ACADL: variants seen among roughly 807,000 people sequenced by gnomAD.
The protein encoded by ACADL is acyl-CoA dehydrogenase long chain.
ACADL carries 60 observed loss-of-function variants against 56.9 expected under a neutral mutation model. That is an observed-to-expected ratio of 1.05 (90% CI 0.86 to 1.31). ACADL has a LOEUF of 1.31. ACADL is among the 50% of genes most tolerant of loss of function. The pLI, the probability that ACADL is intolerant of heterozygous loss-of-function variation, is 0.00. For missense variants in ACADL, 484 were observed against 525.5 expected (o/e 0.92, Z 0.77); for synonymous variants, 158 against 179.7 (o/e 0.88, Z 0.97).
Position 210,225,273 on chromosome 2 carries a change from A to T in ACADL, c.-10T>A. 1 of 1,552,870 alleles carries T rather than the reference A, an allele frequency of 6.4e-7. No individual in the cohort carries two copies. Among genetic ancestry groups the T allele is most frequent in the East Asian group, 2.4e-5 (1 of 41,220 alleles). ...GAAGGCGTGCGGCCATGTCCGAAAC[A>T]CAGGGGCGGCGGGGCGACGGAGGCG... is the stretch of plus-strand genomic sequence containing the variant. On this transcript the variant is annotated 5_prime_UTR_variant, in exon 1 of 11. Transcript: ENST00000233710.
intron 9 of ACADL, 138 bp downstream of exon 9, chr2:210,195,073 T>C: frequency 1.8e-6 from 2 of 1,140,502 alleles, no homozygotes; most frequent in East Asian, 2.5e-5. Context: ...TTAGCATTTT[T>C]TTTTAAAGTG....
chr2:210,197,013 G>C (rs1688719971), intron 8 of ACADL, among the ~76,000 whole-genome samples: 1 of 152,142 alleles, frequency 6.6e-6, no homozygotes, highest in South Asian at 2.1e-4. Context: ...TGTCATTGTT[G>C]GTTGGGACAG....
chr2:210,210,987 A>G (rs1688969823), intron 4 of ACADL, among the ~76,000 whole-genome samples: 1 of 152,144 alleles, frequency 6.6e-6, no homozygotes, highest in African/African-American at 2.4e-5. Context: ...TTTTCTAACA[A>G]ACCTGCTCTA....
chr2:210,212,384 C>T (rs1330759062), intron 4 of ACADL, among the ~76,000 whole-genome samples: 2 of 152,056 alleles, frequency 1.3e-5, no homozygotes, highest in East Asian at 3.9e-4. Context: ...AATGTGACCA[C>T]AAAGGCAAAG....
At chr2:210,205,402 C>T (rs1054675160) in intron 6 of ACADL, among the ~76,000 whole-genome samples, 8 of 152,056 alleles carry the variant, frequency 5.3e-5, no homozygotes, top group Non-Finnish European at 1.2e-4. Context: ...GTTAATTTTG[C>T]CATTTCTAAA....
chr2:210,198,937 C>G (rs73065819), intron 8 of ACADL, among the ~76,000 whole-genome samples: 2,453 of 152,102 alleles, frequency 0.016, 69 homozygotes, highest in African/African-American at 0.056. Flanking sequence ...ATTGCTACAT[C>G]CATACGTAGG....
chr2:210,194,698 A>G lies in ACADL; in HGVS notation c.1112+513T>C, dbSNP rs189816771. Among the ~76,000 whole-genome samples, 21 of 152,316 alleles carry G rather than the reference A, an allele frequency of 1.4e-4. No homozygotes were observed. In the East Asian group the frequency reaches 3.1e-3, roughly 22 times the overall value. Reference sequence around the variant, plus strand: ...TTCTTAAAATTGGAAAGCACCTTAAATAGAAAAATCCTGTCCAACTTAGTC... The same window carrying G: ...TTCTTAAAATTGGAAAGCACCTTAAGTAGAAAAATCCTGTCCAACTTAGTC... On this transcript the variant is annotated intron_variant, in intron 9 of 10. Coordinates refer to ENST00000233710, the MANE Select transcript of ACADL (RefSeq NM_001608.4).
intron 6 of ACADL, 81 bp from the exon 7 acceptor site, chr2:210,204,763 T>C: frequency 1.7e-6 from 2 of 1,200,884 alleles, no homozygotes; most frequent in Non-Finnish European, 2.4e-6. Context: ...GTGAATATTA[T>C]TTTTTCCAAA....
At chr2:210,198,075 G>A (rs556901954) in intron 8 of ACADL, among the ~76,000 whole-genome samples, 1 of 152,202 alleles carries the variant, frequency 6.6e-6, no homozygotes, top group African/African-American at 2.4e-5. Context: ...AGTGCTCTTA[G>A]TGAATGATCG....
rs71528505 is a variant in ACADL, at chr2:210,218,076, C to A, written c.260G>T (p.Arg87Met). 1.2e-6 allele frequency: 2 copies of A among 1,613,838 alleles called. No individual in the cohort carries two copies. The highest frequency in any genetic ancestry group is 1.7e-6 in the Non-Finnish European group (2 of 1,179,934). ...SEWEKAGEVS[R>M]EVWEKAGKQG... is the part of the protein sequence containing the mutation. ...TTTTCCAGCTTTTTCCCAAACCTCC[C>A]TACTTACTTCTCCAGCTTTCTCCCA... The change falls in exon 3 of 11, where the codon AGG becomes ATG. Residue 87 changes from arginine (R) to methionine (M), a missense_variant. By Grantham distance (91) the Arg-to-Met change is moderately conservative. Transcript: ENST00000233710.
chr2:210,196,743 T>C (rs1039943067), intron 8 of ACADL, among the ~76,000 whole-genome samples: 9 of 152,198 alleles, frequency 5.9e-5, no homozygotes, highest in African/African-American at 2.2e-4. Context: ...AAAATTCAGA[T>C]AGAAACAGTT....
chr2:210,194,203 G>C (rs1256391442), intron 9 of ACADL, among the ~76,000 whole-genome samples: 1 of 151,992 alleles, frequency 6.6e-6, no homozygotes, highest in Admixed American at 6.6e-5. Flanking sequence ...ACTAGTCAAA[G>C]AACTTCTTGT....
In ACADL at chr2:210,188,750, A is replaced by T. The variant is rs1688585609; in HGVS notation, c.*211T>A. 4 of 487,750 alleles carry T rather than the reference A, an allele frequency of 8.2e-6. No homozygotes were observed. The South Asian group carries it at 1.0e-4, about 12-fold the overall frequency. The allele number at this position is 487,750 out of a possible 1,614,324, so 30.2% of individuals were successfully genotyped here. Reference sequence around the variant, plus strand: ...TACCTTTGGCTACATAAAAAACTGTAAGTTAAACCTTATATTGGAAAACTA... The same window carrying T: ...TACCTTTGGCTACATAAAAAACTGTTAGTTAAACCTTATATTGGAAAACTA... On this transcript the variant is annotated 3_prime_UTR_variant, in exon 11 of 11. Coordinates refer to ENST00000233710, the MANE Select transcript of ACADL (RefSeq NM_001608.4).
intron 5 of ACADL, among the ~76,000 whole-genome samples, chr2:210,207,709 C>G (rs964312005): frequency 5.9e-5 from 9 of 152,098 alleles, no homozygotes. Context: ...CTAAAATGCA[C>G]AGCACTGATA....
chr2:210,210,283 A>T, intron 4 of ACADL, 21 bp from the exon 5 acceptor site: 1 of 1,539,834 alleles, frequency 6.5e-7, no homozygotes, highest in Non-Finnish European at 9.0e-7. Flanking sequence ...AAGAAAAGAT[A>T]AAAAATTCAT....
rs776952103 is a variant in ACADL, at chr2:210,205,697, C to T, written c.703G>A (p.Val235Met). The change falls in exon 6 of 11, where the codon GTG (valine) becomes ATG (methionine). Residue 235 changes from valine to methionine, a missense_variant. By Grantham distance (21) the Val-to-Met change is conservative. Transcript: ENST00000233710. ...SPAHGISLFL[V>M]ENGMKGFIKG... ...ATAAATCCTTTCATTCCATTTTCCA[C>T]CAGAAAAAGGCTAATACCATGGGCA... is the stretch of plus-strand genomic sequence containing the variant. 50 of 1,613,780 alleles carry T rather than the reference C, an allele frequency of 3.1e-5. No homozygotes were observed. The South Asian group carries it at 5.1e-4, about 16-fold the overall frequency.
chr2:210,193,736 A>G lies in ACADL; in HGVS notation c.1113-846T>C, dbSNP rs11885370. 3.2e-3 allele frequency among the ~76,000 whole-genome samples: 490 copies of G among 152,106 alleles called. 3 individuals are homozygous for G. Among genetic ancestry groups the G allele is most frequent in the African/African-American group, 0.011 (468 of 41,500 alleles). ...GCCTAGGTTGGGATACAGTGGCACA[A>G]TCATAGCTCATTACAGTCTTGAACT... is the stretch of plus-strand genomic sequence containing the variant. On this transcript the variant is annotated intron_variant, in intron 9 of 10. Coordinates refer to ENST00000233710, the MANE Select transcript of ACADL (RefSeq NM_001608.4).
chr2:210,214,349 C>A (rs1027881728), intron 4 of ACADL, among the ~76,000 whole-genome samples: 2 of 152,068 alleles, frequency 1.3e-5, no homozygotes, highest in African/African-American at 4.8e-5. Context: ...TATTACTCTT[C>A]TTCATCTGTG....
intron 6 of ACADL, among the ~76,000 whole-genome samples, chr2:210,205,066 G>A (rs1193159851): frequency 6.6e-6 from 1 of 151,852 alleles, no homozygotes; most frequent in African/African-American, 2.4e-5. Context: ...TCATTCTGTT[G>A]CCCAGGCTGG....
Sources: gnomAD v4.1 joint callset for allele counts (sites outside exome capture counted in the v4.1 genomes callset) on GRCh38, gnomAD v4.1.1 for gene constraint, MANE v1.5 for transcripts, NCBI Gene and HGNC (gene_info 2026-07-23, HGNC 2026-07-21) for gene names.